The following ADI1 variants were observed in gnomAD, a reference collection of about 807,000 sequenced individuals.
The protein encoded by ADI1 is acireductone dioxygenase.
Under a neutral mutation model 18.7 loss-of-function variants are expected in ADI1, and 21 were observed. That is an observed-to-expected ratio of 1.13 (90% CI 0.80 to 1.62). The LOEUF is 1.62. ADI1 is among the 40% of genes most tolerant of loss of function. ADI1 has a pLI of 0.00. For synonymous variants in ADI1, 90 were observed against 100.1 expected (o/e 0.90, Z 0.60); for missense variants, 245 against 254.9 (o/e 0.96, Z 0.26).
chr2:3,519,219 C>G (rs1667501758), intron 1 of ADI1, 149 bp downstream of exon 1: 1 of 1,185,964 alleles, frequency 8.4e-7, no homozygotes, highest in Admixed American at 4.3e-5. Flanking sequence ...GCACCGGGAG[C>G]CGCCACGAAC....
At chr2:3,504,129 C>G (rs1667117170) in intron 2 of ADI1, among the ~76,000 whole-genome samples, 3 of 152,188 alleles carry the variant, frequency 2.0e-5, no homozygotes, top group African/African-American at 7.2e-5. Flanking sequence ...CATGGAGAGA[C>G]TTGACGGACG....
chr2:3,505,499 G>A (rs9749904), intron 2 of ADI1, among the ~76,000 whole-genome samples: 31,776 of 152,144 alleles, frequency 0.21, 3,526 homozygotes, highest in African/African-American at 0.27. Flanking sequence ...CCAACAGTGA[G>A]TATCAGGGAA....
At chr2:3,508,965 G>A (rs993430111) in intron 2 of ADI1, among the ~76,000 whole-genome samples, 1 of 144,272 alleles carries the variant, frequency 6.9e-6, no homozygotes, top group African/African-American at 2.6e-5. Context: ...GAGGGGAGGA[G>A]AGGAGGGGAG....
intron 2 of ADI1, among the ~76,000 whole-genome samples, chr2:3,509,306 T>G (rs1007549248): frequency 6.6e-6 from 1 of 152,204 alleles, no homozygotes; most frequent in Non-Finnish European, 1.5e-5. Context: ...TTGATCTGAA[T>G]AATACCATCA....
At chr2:3,514,069 C>G (rs116205064) in intron 1 of ADI1, 93 bp from the exon 2 acceptor site, 26,244 of 1,408,134 alleles carry the variant, frequency 0.019, 397 homozygotes, top group Admixed American at 0.077. Flanking sequence ...ATTTTATACT[C>G]CAAATTTATC....
rs556800258 is a variant in ADI1 at position 3,500,700 on chromosome 2, C to T, written c.420+114G>A. On this transcript the variant is annotated intron_variant, in intron 3 of 3. Transcript: ENST00000327435. ...CCTTGAAGCACAGGTCGAGGAGTCC[C>T]GAGCCCAGCGACCGCGCTTGGAGTC... 81 of 1,402,020 alleles carry T rather than the reference C, an allele frequency of 5.8e-5. 1 individual carries two copies. In the Admixed American group the frequency reaches 8.8e-4, roughly 15 times the overall value. 86.8% of individuals were successfully genotyped at this position (1,402,020 alleles called of 1,614,324 possible). A position where few individuals can be genotyped will look rare whatever the true frequency, so the allele number is the denominator to read the frequency against.
chr2:3,515,385 C>G (rs1037553459), intron 1 of ADI1: 1 of 152,432 alleles, frequency 6.6e-6, no homozygotes, highest in African/African-American at 2.4e-5. Context: ...TACCCTCAGG[C>G]TTACTAAGGT....
Position 3,500,978 on chromosome 2 carries a change from C to T in ADI1, c.256G>A (p.Glu86Lys), listed in dbSNP as rs766432559. 5.0e-6 allele frequency: 8 copies of T among 1,608,812 alleles called. No individual in the cohort carries two copies. Among genetic ancestry groups the T allele is most frequent in the Admixed American group, 3.4e-5 (2 of 59,676 alleles). The part of the protein sequence containing the change: ...NYEEKIKMFY[E>K]EHLHLDDEIR... ...TCATCGTCCAAGTGCAAATGCTCCT[C>T]GTAGAACATCTTAATCTAGTGCAGA... Residue 86 changes from glutamate to lysine, a missense_variant, in exon 3 of 4, where the codon GAG becomes AAG. Physicochemically the swap from Glu to Lys is moderately conservative, Grantham distance 56 (BLOSUM62 1). Transcript: ENST00000327435.
rs142956432 is a variant in ADI1 at position 3,511,385 on chromosome 2, T to G, written c.240+2472A>C. Among the ~76,000 whole-genome samples, 1,315 of 151,656 alleles carry G rather than the reference T, an allele frequency of 8.7e-3. 26 individuals carry two copies. The highest frequency in any genetic ancestry group is 0.067 in the South Asian group (321 of 4,788). ...CACAGTAACTTCTTGTGAGATCTGG[T>G]CATTTAAAACAGTGTGGCACCTTGC... On this transcript the variant is annotated intron_variant, in intron 2 of 3. Transcript: ENST00000327435.
intron 2 of ADI1, among the ~76,000 whole-genome samples, chr2:3,511,337 T>C (rs1276168103): frequency 2.0e-5 from 3 of 151,806 alleles, no homozygotes; most frequent in Non-Finnish European, 4.4e-5. Flanking sequence ...TAAACCTTTT[T>C]CTTATAATTT....
At chr2:3,508,178 C>T (rs538256548) in intron 2 of ADI1, among the ~76,000 whole-genome samples, 5 of 151,142 alleles carry the variant, frequency 3.3e-5, no homozygotes, top group African/African-American at 4.8e-5. Flanking sequence ...ACTAAAAATA[C>T]GAAAAAATTA....
intron 2 of ADI1, among the ~76,000 whole-genome samples, chr2:3,505,286 G>A (rs993529673): frequency 6.6e-6 from 1 of 152,070 alleles, no homozygotes; most frequent in African/African-American, 2.4e-5. Flanking sequence ...CCTCACACTG[G>A]AGAGACAGGC....
intron 3 of ADI1, 22 bp downstream of exon 3, chr2:3,500,792 G>A (rs1372740735): frequency 6.2e-7 from 1 of 1,613,128 alleles, no homozygotes; most frequent in Non-Finnish European, 8.5e-7. Context: ...CCGGGCCTGG[G>A]GAGAAAGCAC....
intron 2 of ADI1, among the ~76,000 whole-genome samples, chr2:3,502,755 C>T (rs962626863): frequency 6.6e-6 from 1 of 152,126 alleles, no homozygotes; most frequent in Admixed American, 6.5e-5. Context: ...CGGCGACAAA[C>T]GGAAATAACT....
Position 3,503,503 on chromosome 2 carries a change from A to G in ADI1, c.241-2510T>C, listed in dbSNP as rs1336695270. Among the ~76,000 whole-genome samples the G allele has an allele frequency of 1.4e-5, 2 of 138,480 alleles. 1 individual carries two copies. Among genetic ancestry groups the G allele is most frequent in the Non-Finnish European group, 3.1e-5 (2 of 65,440 alleles). 90.8% of individuals were successfully genotyped at this position (138,480 alleles called of 152,430 possible). On this transcript the variant is annotated intron_variant, in intron 2 of 3. Transcript: ENST00000327435. The stretch of plus-strand genomic sequence containing the variant: ...CACACTCATGCACACGTACACACAC[A>G]CGCCTACATTCACACACTCACATGC...
At position 3,498,948 on chromosome 2, in the gene ADI1, TC is replaced by T. The variant is rs1374306302; in HGVS notation, c.*14del. 1 of 1,600,960 alleles carries T rather than the reference TC, an allele frequency of 6.2e-7. No homozygotes were observed. Among genetic ancestry groups the T allele is most frequent in the Admixed American group, 1.7e-5 (1 of 59,288 alleles). ...GGACCTTTACGAGGCACGTGTTAGT[TC>T]CCAGGCAGCACTGCTAGGCGGTCTG... On this transcript the variant is annotated 3_prime_UTR_variant, in exon 4 of 4. Transcript: ENST00000327435.
chr2:3,509,452 G>A (rs183081021), intron 2 of ADI1, among the ~76,000 whole-genome samples: 35 of 151,888 alleles, frequency 2.3e-4, no homozygotes, highest in African/African-American at 5.6e-4. Flanking sequence ...ATATATTTAC[G>A]AAGACTCAAA....
intron 2 of ADI1, among the ~76,000 whole-genome samples, chr2:3,512,637 C>T (rs1217520623): frequency 1.3e-5 from 2 of 152,186 alleles, no homozygotes; most frequent in Non-Finnish European, 2.9e-5. Flanking sequence ...GGATTCTCCA[C>T]CTAGATTTCA....
At chr2:3,514,808 T>C in intron 1 of ADI1, 3 of 1,548,864 alleles carry the variant, frequency 1.9e-6, no homozygotes, top group Non-Finnish European at 2.6e-6. Context: ...CACTACTTAC[T>C]GAACAACAAA....
Sources: gnomAD v4.1 joint callset for allele counts (sites outside exome capture counted in the v4.1 genomes callset) on GRCh38, gnomAD v4.1.1 for gene constraint, MANE v1.5 for transcripts, NCBI Gene and HGNC (gene_info 2026-07-23, HGNC 2026-07-21) for gene names.